The following NCR1 variants were observed in gnomAD, a reference collection of about 807,000 sequenced individuals.
The protein encoded by NCR1 is NK cell-activating receptor.
In NCR1, 30 loss-of-function variants were observed where a neutral mutation model predicts 32.5. The ratio of observed to expected loss-of-function variants is 0.92; its 90% confidence interval spans 0.69 to 1.25. The LOEUF (loss-of-function observed/expected upper bound fraction) is 1.25, where lower values mean the gene tolerates loss of function less well. NCR1 is among the 50% of genes most tolerant of loss of function. The pLI, the probability that NCR1 is intolerant of heterozygous loss-of-function variation, is 0.00. For missense variants in NCR1, 369 were observed against 380.7 expected, an observed-to-expected ratio of 0.97 and a Z score of 0.26; for synonymous variants, 169 against 143.4, an observed-to-expected ratio of 1.18 and a Z score of -1.28.
the NCR1 span, among the ~76,000 whole-genome samples, chr19:54,926,685 G>C: frequency 1.3e-5 from 2 of 152,044 alleles, no homozygotes; most frequent in South Asian, 4.1e-4. Context: ...GGAGGCCAAG[G>C]CGAGAAGATC....
downstream of NCR1, among the ~76,000 whole-genome samples, chr19:54,914,836 C>T (rs2068101413): frequency 6.6e-6 from 1 of 150,692 alleles, no homozygotes; most frequent in African/African-American, 2.5e-5. Flanking sequence ...GCCTCTGGGG[C>T]TCAAGCGATT....
the NCR1 span, chr19:54,933,860 T>A: frequency 1.2e-6 from 1 of 867,844 alleles, no homozygotes; most frequent in Non-Finnish European, 1.9e-6. Flanking sequence ...CCCTGCCCTC[T>A]GTCCTGTGGG....
At chr19:54,926,916 TAAAAAAAAAAA>T in the NCR1 span, among the ~76,000 whole-genome samples, 15 of 26,612 alleles carry the variant, frequency 5.6e-4, no homozygotes, top group Non-Finnish European at 5.8e-4. Flanking sequence ...ACTCTGTCTT[TAAAAAAAAAAA>T]AAAAAAAAAA....
At chr19:54,915,062 C>T (rs1236806693), downstream of NCR1, among the ~76,000 whole-genome samples, 1 of 152,118 alleles carries the variant, frequency 6.6e-6, no homozygotes, top group Non-Finnish European at 1.5e-5. Context: ...CTTTCCTCAT[C>T]CCAAAGCACC....
upstream of NCR1, among the ~76,000 whole-genome samples, chr19:54,904,812 C>A (rs7255591): frequency 6.6e-6 from 1 of 152,106 alleles, no homozygotes; most frequent in East Asian, 1.9e-4. Context: ...GATGACAGGC[C>A]TGAGCCACCG....
upstream of NCR1, chr19:54,906,042 T>C (rs1489766661): frequency 1.2e-5 from 11 of 922,956 alleles, no homozygotes; most frequent in Non-Finnish European, 1.9e-5. Flanking sequence ...CGGAGGGGAG[T>C]TGTGAACGTT....
upstream of NCR1, among the ~76,000 whole-genome samples, chr19:54,902,756 G>T (rs1453282487): frequency 6.6e-6 from 1 of 152,110 alleles, no homozygotes; most frequent in Non-Finnish European, 1.5e-5. Flanking sequence ...TCCGTAGGGG[G>T]AAGGATAAAG....
At chr19:54,924,285 A>C in the NCR1 span, among the ~76,000 whole-genome samples, 1 of 152,156 alleles carries the variant, frequency 6.6e-6, no homozygotes, top group Non-Finnish European at 1.5e-5. Flanking sequence ...TTTTCTAAAA[A>C]GAAATTTAGA....
the NCR1 span, among the ~76,000 whole-genome samples, chr19:54,898,871 G>A: frequency 6.6e-6 from 1 of 152,190 alleles, no homozygotes; most frequent in East Asian, 1.9e-4. Flanking sequence ...GTCATGGAAT[G>A]GAACTGTAAG....
chr19:54,936,170 A>T, the NCR1 span: 1 of 1,140,744 alleles, frequency 8.8e-7, no homozygotes, highest in Admixed American at 1.8e-5. Context: ...CTGGGACGGC[A>T]TCTGGAGTGG....
chr19:54,900,788 C>T, the NCR1 span, among the ~76,000 whole-genome samples: 1 of 151,924 alleles, frequency 6.6e-6, no homozygotes, highest in African/African-American at 2.4e-5. Flanking sequence ...TGCCTAGGGC[C>T]GGGAGAGTGA....
At chr19:54,908,884 G>A (rs1342556738) in intron 3 of NCR1, among the ~76,000 whole-genome samples, 1 of 151,696 alleles carries the variant, frequency 6.6e-6, no homozygotes, top group Non-Finnish European at 1.5e-5. Flanking sequence ...GCTTCAGTAA[G>A]CAAAGATAGT....
At chr19:54,903,528 A>G (rs957659074), upstream of NCR1, among the ~76,000 whole-genome samples, 2 of 115,024 alleles carry the variant, frequency 1.7e-5, no homozygotes, top group East Asian at 2.1e-4. Context: ...GTGTGTATAC[A>G]TATATATGCA....
At chr19:54,932,111 G>C in the NCR1 span, among the ~76,000 whole-genome samples, 1 of 152,126 alleles carries the variant, frequency 6.6e-6, no homozygotes, top group African/African-American at 2.4e-5. Flanking sequence ...ATAACGATCA[G>C]GTAGGTGACT....
the NCR1 span, among the ~76,000 whole-genome samples, chr19:54,937,881 G>A: frequency 2.4e-4 from 25 of 105,630 alleles, no homozygotes; most frequent in African/African-American, 8.3e-4. Context: ...TGGGCAACAA[G>A]AGTAAATCTC....
chr19:54,909,182 A>G (rs978252601), intron 3 of NCR1, 63 bp from the exon 4 acceptor site: 10 of 1,517,292 alleles, frequency 6.6e-6, no homozygotes, highest in South Asian at 1.3e-5. Context: ...AAGAAAGAAA[A>G]AAAAAAATAG....
downstream of NCR1, among the ~76,000 whole-genome samples, chr19:54,916,960 C>G (rs1236404184): frequency 6.6e-6 from 1 of 151,968 alleles, no homozygotes. Context: ...GGCTTCTCTC[C>G]CCACACTTCC....
the NCR1 span, chr19:54,923,830 C>T: frequency 6.2e-7 from 1 of 1,613,940 alleles, no homozygotes; most frequent in Non-Finnish European, 8.5e-7. Flanking sequence ...TCACTTCCTC[C>T]AACAGCTTCT....
intron 3 of NCR1, 98 bp downstream of exon 3, chr19:54,906,905 G>GTC: frequency 7.1e-7 from 1 of 1,412,084 alleles, no homozygotes; most frequent in Admixed American, 1.9e-5. Context: ...GACACTGCTT[G>GTC]TCTCGGTAGG....
Sources: gnomAD v4.1 joint callset for allele counts (sites outside exome capture counted in the v4.1 genomes callset) on GRCh38, gnomAD v4.1.1 for gene constraint, MANE v1.5 for transcripts, NCBI Gene and HGNC (gene_info 2026-07-23, HGNC 2026-07-21) for gene names.